The following NRG1 variants were observed in gnomAD, a reference collection of about 807,000 sequenced individuals.
The protein encoded by NRG1 is neuregulin 1.
NRG1 carries 18 observed loss-of-function variants against 63.8 expected under a neutral mutation model. The ratio of observed to expected loss-of-function variants is 0.28; its 90% CI spans 0.19 to 0.42. The LOEUF is 0.42. Ranked by LOEUF, NRG1 falls within the 10% of genes least tolerant of loss-of-function variation. The pLI, the probability that NRG1 is intolerant of heterozygous loss-of-function variation, is 1.00. For synonymous variants in NRG1, 302 were observed against 301.3 expected, an observed-to-expected ratio of 1.00 and a Z score of -0.02; for missense variants, 762 against 814.7, an observed-to-expected ratio of 0.94 and a Z score of 0.79.
At chr8:31,856,340 C>A (rs895138753) in intron 1 of NRG1, among the ~76,000 whole-genome samples, 2 of 151,482 alleles carry the variant, frequency 1.3e-5, no homozygotes, top group African/African-American at 4.9e-5. Context: ...CTAAACTTCC[C>A]TTCTTGCTTC....
At chr8:32,167,679 T>C (rs1172555082) in intron 1 of NRG1, among the ~76,000 whole-genome samples, 1 of 152,120 alleles carries the variant, frequency 6.6e-6, no homozygotes, top group African/African-American at 2.4e-5. Context: ...ATTTATAAAA[T>C]AGAATTTAAA....
intron 1 of NRG1, among the ~76,000 whole-genome samples, chr8:32,407,285 ATATATATAT>A (rs869079480): frequency 1.1e-4 from 2 of 18,370 alleles, no homozygotes; most frequent in Admixed American, 4.5e-4. Flanking sequence ...TTATATATAT[ATATATATAT>A]TATATATATA....
intron 1 of NRG1, among the ~76,000 whole-genome samples, chr8:32,251,549 T>A (rs1849108803): frequency 6.6e-6 from 1 of 152,216 alleles, no homozygotes; most frequent in Non-Finnish European, 1.5e-5. Flanking sequence ...ATAGAGTGAC[T>A]TATAATCCTT....
At chr8:31,779,230 T>A (rs9642723) in intron 1 of NRG1, among the ~76,000 whole-genome samples, 31,187 of 152,058 alleles carry the variant, frequency 0.21, 4,335 homozygotes, top group East Asian at 0.64. Flanking sequence ...TGAAATGAGA[T>A]GCTATGTGTG....
Position 32,712,837 on chromosome 8 carries a change from A to G in NRG1, c.503-15112A>G, listed in dbSNP as rs145311655. ...CTTCTAGTGGTTCTCTGATCTAAGCATGGTTGGAACTTTGTACTGACCTCA... is the reference window on the plus strand; with the variant it reads ...CTTCTAGTGGTTCTCTGATCTAAGCGTGGTTGGAACTTTGTACTGACCTCA... On this transcript the variant is annotated intron_variant, in intron 5 of 11. Coordinates refer to ENST00000356819, the Ensembl canonical transcript of NRG1. Among the ~76,000 whole-genome samples, 74 of 152,232 alleles carry G rather than the reference A, an allele frequency of 4.9e-4. 1 individual carries two copies. The highest frequency in any genetic ancestry group is 1.5e-3 in the African/African-American group (61 of 41,544).
At chr8:32,237,288 T>C (rs1322794599) in intron 1 of NRG1, among the ~76,000 whole-genome samples, 1 of 152,206 alleles carries the variant, frequency 6.6e-6, no homozygotes, top group African/African-American at 2.4e-5. Flanking sequence ...CTGCTAGATA[T>C]ATTTCGTGAA....
intron 1 of NRG1, among the ~76,000 whole-genome samples, chr8:32,435,831 T>C (rs1818719965): frequency 6.6e-6 from 1 of 152,202 alleles, no homozygotes; most frequent in South Asian, 2.1e-4. Context: ...AGGATGTACA[T>C]CCTAATATAG....
chr8:31,664,698 C>T (rs376380518), intron 1 of NRG1, among the ~76,000 whole-genome samples: 29 of 152,198 alleles, frequency 1.9e-4, no homozygotes, highest in African/African-American at 5.8e-4. Flanking sequence ...CGGTGTGTAG[C>T]GGGGATGGCA....
intron 1 of NRG1, among the ~76,000 whole-genome samples, chr8:31,843,624 C>G (rs182106696): frequency 1.3e-5 from 2 of 152,230 alleles, no homozygotes; most frequent in Admixed American, 1.3e-4. Context: ...GTTTCATTGA[C>G]GTGATTCAGA....
chr8:32,410,207 G>T (rs547237395), intron 1 of NRG1, among the ~76,000 whole-genome samples: 2 of 123,350 alleles, frequency 1.6e-5, no homozygotes, highest in African/African-American at 3.1e-5. Flanking sequence ...TTGAGACATG[G>T]TCTCCTTCTG....
At chr8:31,834,307 G>GCACACACACACACA (rs1554547024) in intron 1 of NRG1, among the ~76,000 whole-genome samples, 3 of 119,514 alleles carry the variant, frequency 2.5e-5, no homozygotes, top group African/African-American at 3.7e-5. Context: ...GCGCACGCGC[G>GCACACACACACACA]CACACACACA....
intron 1 of NRG1, among the ~76,000 whole-genome samples, chr8:32,291,483 T>TTG (rs1321365457): frequency 4.6e-5 from 7 of 152,022 alleles, no homozygotes; most frequent in African/African-American, 1.7e-4. Flanking sequence ...GTGTGACCTC[T>TTG]TGAGCCTATT....
intron 1 of NRG1, among the ~76,000 whole-genome samples, chr8:32,339,675 A>G (rs961330179): frequency 6.6e-6 from 1 of 152,152 alleles, no homozygotes; most frequent in Non-Finnish European, 1.5e-5. Context: ...TGAAATGGGC[A>G]TTTTCCAGAC....
intron 1 of NRG1, among the ~76,000 whole-genome samples, chr8:32,029,778 C>G (rs1403413327): frequency 6.6e-6 from 1 of 151,848 alleles, no homozygotes; most frequent in East Asian, 1.9e-4. Flanking sequence ...TGACCTGAAT[C>G]GTATTAAATA....
At chr8:31,898,741 C>A (rs949939314) in intron 1 of NRG1, among the ~76,000 whole-genome samples, 4 of 152,104 alleles carry the variant, frequency 2.6e-5, no homozygotes, top group Non-Finnish European at 4.4e-5. Context: ...ATTAAATTAA[C>A]TCTTGCTTGT....
intron 1 of NRG1, among the ~76,000 whole-genome samples, chr8:31,786,877 G>A (rs1433728590): frequency 6.6e-6 from 1 of 152,094 alleles, no homozygotes; most frequent in Non-Finnish European, 1.5e-5. Flanking sequence ...TTTTTACAGA[G>A]GCTTCATTAT....
intron 1 of NRG1, among the ~76,000 whole-genome samples, chr8:32,140,372 T>A (rs772677670): frequency 6.6e-6 from 1 of 152,290 alleles, no homozygotes; most frequent in East Asian, 1.9e-4. Context: ...TCCCTTTCAG[T>A]CAGGTAGATA....
intron 1 of NRG1, among the ~76,000 whole-genome samples, chr8:32,187,045 T>G (rs1842040062): frequency 1.3e-5 from 2 of 152,176 alleles, no homozygotes; most frequent in Admixed American, 1.3e-4. Flanking sequence ...TTTGAATGAC[T>G]GAATGTTCAA....
chr8:31,753,605 G>A (rs575368627), intron 1 of NRG1, among the ~76,000 whole-genome samples: 1 of 152,070 alleles, frequency 6.6e-6, no homozygotes, highest in Non-Finnish European at 1.5e-5. Flanking sequence ...GGAGACTGCG[G>A]CATTCACCTG....
Sources: gnomAD v4.1 joint callset for allele counts (sites outside exome capture counted in the v4.1 genomes callset) on GRCh38, gnomAD v4.1.1 for gene constraint, MANE v1.5 for transcripts, NCBI Gene and HGNC (gene_info 2026-07-23, HGNC 2026-07-21) for gene names.